The following DHX35 variants were observed in gnomAD, a reference collection of about 807,000 sequenced individuals.
The protein encoded by DHX35 is DEAH-box helicase 35.
DHX35 carries 84 observed loss-of-function variants against 99.6 expected under a neutral mutation model. That is an observed-to-expected ratio of 0.84 (90% CI 0.71 to 1.01). The LOEUF (loss-of-function observed/expected upper bound fraction) is 1.01, where lower values mean the gene tolerates loss of function less well. DHX35 is among the 50% of genes least tolerant of loss of function. The pLI is 0.00. For synonymous variants in DHX35, 331 were observed against 316.2 expected, an observed-to-expected ratio of 1.05 and a Z score of -0.50; for missense variants, 852 against 888.5, an observed-to-expected ratio of 0.96 and a Z score of 0.52.
intron 1 of DHX35, among the ~76,000 whole-genome samples, chr20:38,965,783 C>T (rs1407019462): frequency 1.3e-5 from 2 of 152,160 alleles, no homozygotes; most frequent in African/African-American, 4.8e-5. Context: ...CTTGTATGAC[C>T]TGCCTGAGAG....
chr20:38,992,110 G>A (rs1355941098), intron 6 of DHX35, among the ~76,000 whole-genome samples: 1 of 152,180 alleles, frequency 6.6e-6, no homozygotes, highest in Admixed American at 6.5e-5. Flanking sequence ...AATTCTGTTG[G>A]AATTCAGTGT....
At chr20:39,016,505 G>T (rs1029886401) in intron 14 of DHX35, among the ~76,000 whole-genome samples, 2 of 152,114 alleles carry the variant, frequency 1.3e-5, no homozygotes, top group South Asian at 2.1e-4. Flanking sequence ...ATATTCTGTT[G>T]TATGGATATA....
At chr20:39,013,993 A>G (rs1374718053) in intron 13 of DHX35, among the ~76,000 whole-genome samples, 1 of 152,196 alleles carries the variant, frequency 6.6e-6, no homozygotes, top group Non-Finnish European at 1.5e-5. Context: ...TTTGCCACCA[A>G]CTGCCTATAT....
intron 14 of DHX35, among the ~76,000 whole-genome samples, chr20:39,016,388 C>G (rs1218556306): frequency 6.6e-6 from 1 of 152,200 alleles, no homozygotes; most frequent in Non-Finnish European, 1.5e-5. Context: ...TTGGTGGGGA[C>G]AAACTACATC....
intron 10 of DHX35, 32 bp from the exon 11 acceptor site, chr20:39,003,717 G>C: frequency 6.3e-7 from 1 of 1,588,824 alleles, no homozygotes; most frequent in South Asian, 1.1e-5. Context: ...AATTGATCTC[G>C]GTTTCTTTGG....
intron 12 of DHX35, 148 bp downstream of exon 12, chr20:39,006,504 T>C: frequency 1.2e-6 from 1 of 842,858 alleles, no homozygotes; most frequent in Non-Finnish European, 1.8e-6. Flanking sequence ...CCCCACTGCT[T>C]TCCTCACTCT....
chr20:38,978,005 C>A (rs574685714), intron 3 of DHX35: 2 of 708,046 alleles, frequency 2.8e-6, no homozygotes, highest in South Asian at 1.4e-5. Flanking sequence ...GATCACCTTC[C>A]AGATATACTT....
chr20:38,976,257 A>T (rs2086074836), intron 3 of DHX35, among the ~76,000 whole-genome samples: 1 of 152,148 alleles, frequency 6.6e-6, no homozygotes, highest in African/African-American at 2.4e-5. Flanking sequence ...TCTTCCTGGT[A>T]CCCATTTCCT....
At chr20:39,029,478 A>G (rs904266322) in intron 19 of DHX35, 1 of 150,906 alleles carries the variant, frequency 6.6e-6, no homozygotes, top group African/African-American at 2.4e-5. Flanking sequence ...GCACTTTACA[A>G]TGATCTCTAG....
At chr20:39,018,953 G>C in intron 15 of DHX35, 54 bp downstream of exon 15, 2 of 1,574,952 alleles carry the variant, frequency 1.3e-6, no homozygotes, top group South Asian at 1.1e-5. Context: ...CAGAGGTGTT[G>C]TTTGCCTGAA....
chr20:38,969,359 C>A, intron 2 of DHX35, 145 bp downstream of exon 2: 1 of 1,023,226 alleles, frequency 9.8e-7, no homozygotes, highest in Non-Finnish European at 1.3e-6. Flanking sequence ...ACTTTTCATA[C>A]TGTGTATTTT....
At chr20:39,004,280 T>C (rs928925284) in intron 11 of DHX35, among the ~76,000 whole-genome samples, 2 of 152,190 alleles carry the variant, frequency 1.3e-5, no homozygotes, top group Non-Finnish European at 2.9e-5. Flanking sequence ...TTAGCCAGGA[T>C]GGTCTCGATC....
chr20:39,023,112 A>G (rs1482871729), intron 16 of DHX35, among the ~76,000 whole-genome samples: 1 of 152,192 alleles, frequency 6.6e-6, no homozygotes, highest in Non-Finnish European at 1.5e-5. Context: ...GAGAGACAAG[A>G]ACACTAACAT....
chr20:39,037,611 C>T (rs753669203), intron 21 of DHX35, among the ~76,000 whole-genome samples: 8 of 152,156 alleles, frequency 5.3e-5, no homozygotes, highest in Admixed American at 2.0e-4. Context: ...ACACCAGCTC[C>T]GGAGCAGTCA....
chr20:39,010,097 T>C (rs1406548867), intron 12 of DHX35, among the ~76,000 whole-genome samples, 183 bp from the exon 13 acceptor site: 1 of 152,208 alleles, frequency 6.6e-6, no homozygotes, highest in Non-Finnish European at 1.5e-5. Flanking sequence ...ATCTAAGGCA[T>C]TTTAAAAATA....
chr20:39,028,545 C>A, intron 19 of DHX35, 46 bp downstream of exon 19: 1 of 1,579,866 alleles, frequency 6.3e-7, no homozygotes, highest in East Asian at 2.2e-5. Flanking sequence ...AACAATCTTA[C>A]AAATGACCCA....
At chr20:39,030,508 C>T (rs1425664162) in intron 19 of DHX35, 196 bp from the exon 20 acceptor site, 7 of 564,636 alleles carry the variant, frequency 1.2e-5, no homozygotes, top group Admixed American at 3.3e-5. Flanking sequence ...GCTTTTTCCA[C>T]GTGATTTATT....
chr20:38,991,466 G>A lies in DHX35; in HGVS notation c.463G>A (p.Gly155Arg), dbSNP rs764442260. 69 of 1,613,050 alleles carry A rather than the reference G, an allele frequency of 4.3e-5. No homozygotes were observed. Among genetic ancestry groups the A allele is most frequent in the Non-Finnish European group, 5.8e-5 (69 of 1,179,554 alleles). Residue 155 changes from glycine to arginine, a missense_variant, in exon 6 of 22, where the codon GGA becomes AGA. Gly to Arg is a moderately radical substitution (Grantham distance 125). Transcript: ENST00000252011. ...TTTTATTTTTTAGTTTCTTACTGAT[G>A]GAATGCTGGTCAGGGAAATGATGGT... ...LATRIKFLTD[G>R]MLVREMMVDP... is the part of the protein sequence containing the mutation.
chr20:38,972,979 T>A (rs377374649), intron 3 of DHX35, among the ~76,000 whole-genome samples: 1 of 152,136 alleles, frequency 6.6e-6, no homozygotes, highest in African/African-American at 2.4e-5. Flanking sequence ...TAAAATGAAT[T>A]TTGCTGTAGT....
Sources: gnomAD v4.1 joint callset for allele counts (sites outside exome capture counted in the v4.1 genomes callset) on GRCh38, gnomAD v4.1.1 for gene constraint, MANE v1.5 for transcripts, NCBI Gene and HGNC (gene_info 2026-07-23, HGNC 2026-07-21) for gene names.